ZFAND4: variants seen among roughly 807,000 people sequenced by gnomAD.
ZFAND4 encodes AN1-type zinc finger protein 4.
In ZFAND4, 43 loss-of-function variants were observed where a neutral mutation model predicts 64.4. The ratio of observed to expected loss-of-function variants is 0.67; its 90% CI spans 0.52 to 0.86. The LOEUF is 0.86. Among genes scored for constraint, ZFAND4 ranks in the 40% least tolerant of loss-of-function variants. The pLI, the probability that ZFAND4 is intolerant of heterozygous loss-of-function variation, is 0.00. For missense variants in ZFAND4, 929 were observed against 859.8 expected, an observed-to-expected ratio of 1.08 and a Z score of -1.01; for synonymous variants, 296 against 305.7, an observed-to-expected ratio of 0.97 and a Z score of 0.33.
intron 2 of ZFAND4, among the ~76,000 whole-genome samples, chr10:45,658,014 T>C (rs2048245743): frequency 6.6e-6 from 1 of 152,216 alleles, no homozygotes. Flanking sequence ...TGGTGGTGAC[T>C]GTATGATAGT....
intron 8 of ZFAND4, among the ~76,000 whole-genome samples, chr10:45,619,939 T>C (rs1564544210): frequency 6.6e-6 from 1 of 152,196 alleles, no homozygotes; most frequent in Non-Finnish European, 1.5e-5. Flanking sequence ...AATTCCATTA[T>C]TTAAAGTATT....
chr10:45,642,183 G>A (rs916793404), intron 5 of ZFAND4, among the ~76,000 whole-genome samples: 4 of 152,106 alleles, frequency 2.6e-5, no homozygotes, highest in African/African-American at 9.7e-5. Flanking sequence ...GTTACTCTGT[G>A]GCATTTTAAG....
intron 5 of ZFAND4, chr10:45,640,440 A>AG: frequency 8.1e-7 from 1 of 1,237,764 alleles, no homozygotes; most frequent in Non-Finnish European, 1.0e-6. Context: ...AAAAAAAAAA[A>AG]AAGAATTCAT....
chr10:45,635,195 C>CAAAAAAAAAAAAAAAAAAAAAAAA (rs1173808756), intron 6 of ZFAND4, among the ~76,000 whole-genome samples: 8 of 27,622 alleles, frequency 2.9e-4, no homozygotes, highest in Non-Finnish European at 3.7e-4. Context: ...GCCATCTAAG[C>CAAAAAAAAAAAAAAAAAAAAAAAA]AAAAAAAAAA....
At position 45,652,001 on chromosome 10, in the gene ZFAND4, A is replaced by T. The variant is rs1178432311; in HGVS notation, c.293T>A (p.Leu98Ter). ...ATTTATAGGTCCGCCACGCATAGCC[A>T]AAACTAGCTTCAAGGTACACCCTTC... ...ISEGCTLKLVLAMRGGPINTR... is the reference protein window; with the variant it reads ...ISEGCTLKLV Residue 98 changes from leucine (L) to a stop codon, truncating the protein, a stop_gained, in exon 4 of 10, where the codon TTG becomes TAG. Coordinates refer to ENST00000344646, the MANE Select transcript of ZFAND4 (RefSeq NM_174890.4). LOFTEE classifies it high-confidence loss of function. The T allele has an allele frequency of 6.2e-7, 1 of 1,613,894 alleles. No homozygotes were observed. Among genetic ancestry groups the T allele is most frequent in the South Asian group, 1.1e-5 (1 of 91,078 alleles).
At position 45,667,799 on chromosome 10, in the gene ZFAND4, C is replaced by A. The variant is rs929440283; in HGVS notation, c.-117-3957G>T. ...CCCTTTCTTGCCTAATTGCCCTGCT[C>A]TGGAACCTTCAGTACAAGATTGAAT... On this transcript the variant is annotated intron_variant, in intron 1 of 9. Coordinates refer to ENST00000344646, the MANE Select transcript of ZFAND4 (RefSeq NM_174890.4). Among the ~76,000 whole-genome samples, 4 of 152,140 alleles carry A rather than the reference C, an allele frequency of 2.6e-5. No homozygotes were observed. The East Asian group carries it at 7.7e-4, about 29-fold the overall frequency.
intron 6 of ZFAND4, among the ~76,000 whole-genome samples, chr10:45,633,529 A>G (rs2046360239): frequency 1.3e-5 from 2 of 152,006 alleles, no homozygotes; most frequent in Non-Finnish European, 2.9e-5. Flanking sequence ...TCCCACCTCT[A>G]AAAACAAGAA....
chr10:45,635,195 C>CAAAAAAAAAAAAAAAAAACAAAAAA (rs2046478075), intron 6 of ZFAND4, among the ~76,000 whole-genome samples: 4 of 27,612 alleles, frequency 1.4e-4, no homozygotes, highest in Non-Finnish European at 1.9e-4. Flanking sequence ...GCCATCTAAG[C>CAAAAAAAAAAAAAAAAAACAAAAAA]AAAAAAAAAA....
intron 4 of ZFAND4, 108 bp downstream of exon 4, chr10:45,651,858 A>G: frequency 1.0e-6 from 1 of 965,564 alleles, no homozygotes; most frequent in East Asian, 2.6e-5. Flanking sequence ...TGATTTTTCT[A>G]AGACCTAATA....
Position 45,616,142 on chromosome 10 carries a change from A to G in ZFAND4, c.*294T>C. On this transcript the variant is annotated 3_prime_UTR_variant, in exon 10 of 10. Coordinates refer to ENST00000344646, the MANE Select transcript of ZFAND4 (RefSeq NM_174890.4). ...TTCGTTTCCTAAAGTGCATCTTTTGAAGATTTGCCTAGTAAAACTGCAATA... is the reference window on the plus strand; with the variant it reads ...TTCGTTTCCTAAAGTGCATCTTTTGGAGATTTGCCTAGTAAAACTGCAATA... The G allele has an allele frequency of 6.6e-6, 2 of 302,282 alleles. No individual in the cohort carries two copies. Among genetic ancestry groups the G allele is most frequent in the Non-Finnish European group, 1.2e-5 (2 of 163,308 alleles). The allele number at this position is 302,282 out of a possible 1,614,324, so 18.7% of individuals were successfully genotyped here.
intron 1 of ZFAND4, among the ~76,000 whole-genome samples, chr10:45,671,621 G>A (rs900401914): frequency 2.6e-5 from 4 of 152,108 alleles, no homozygotes; most frequent in African/African-American, 9.7e-5. Context: ...TCATAGATGG[G>A]AACTCAACAA....
chr10:45,628,627 C>G (rs2045996400), intron 6 of ZFAND4, among the ~76,000 whole-genome samples: 1 of 151,890 alleles, frequency 6.6e-6, no homozygotes, highest in South Asian at 2.1e-4. Flanking sequence ...AATTCTTTAT[C>G]CAGCAAAAAA....
intron 2 of ZFAND4, among the ~76,000 whole-genome samples, chr10:45,659,721 G>A (rs2048345167): frequency 6.6e-6 from 1 of 151,930 alleles, no homozygotes. Context: ...GAAATCTAAT[G>A]GAAAAGTATA....
chr10:45,667,884 T>TACCTAA (rs1261262344), intron 1 of ZFAND4, among the ~76,000 whole-genome samples: 1 of 152,204 alleles, frequency 6.6e-6, no homozygotes, highest in African/African-American at 2.4e-5. Flanking sequence ...AACCATTGAG[T>TACCTAA]CTTTAGGTAT....
chr10:45,663,295 A>C (rs1383475783), intron 2 of ZFAND4, among the ~76,000 whole-genome samples: 1 of 152,198 alleles, frequency 6.6e-6, no homozygotes, highest in African/African-American at 2.4e-5. Context: ...CTATTCTAAA[A>C]TATTATTTCA....
chr10:45,652,622 C>T (rs1289296913), intron 3 of ZFAND4, among the ~76,000 whole-genome samples: 1 of 152,124 alleles, frequency 6.6e-6, no homozygotes. Context: ...AAGAACAATT[C>T]TCTCTTATCC....
At chr10:45,657,367 A>G (rs1010127815) in intron 2 of ZFAND4, among the ~76,000 whole-genome samples, 2 of 152,198 alleles carry the variant, frequency 1.3e-5, no homozygotes, top group African/African-American at 4.8e-5. Flanking sequence ...CCACAGTGAA[A>G]TATTTCCAGT....
chr10:45,622,214 C>T lies in ZFAND4; in HGVS notation c.1927+2369G>A, dbSNP rs541372083. 2.0e-5 allele frequency among the ~76,000 whole-genome samples: 3 copies of T among 152,302 alleles called. No individual in the cohort carries two copies. The South Asian group carries it at 6.2e-4, about 32-fold the overall frequency. ...AATCCTCGTATACATGATCAAATGACTTTCAACACGGGTGCCAAGACCATT... is the reference window on the plus strand; with the variant it reads ...AATCCTCGTATACATGATCAAATGATTTTCAACACGGGTGCCAAGACCATT... On this transcript the variant is annotated intron_variant, in intron 8 of 9. Coordinates refer to ENST00000344646, the MANE Select transcript of ZFAND4 (RefSeq NM_174890.4).
Position 45,621,530 on chromosome 10 carries a change from C to T in ZFAND4, c.1927+3053G>A, listed in dbSNP as rs979072861. ...GGCTGAGGTGGGCGGATCCCGACGTCAGGAGATCGAGACCATCCTGGCTAA... is the reference window on the plus strand; with the variant it reads ...GGCTGAGGTGGGCGGATCCCGACGTTAGGAGATCGAGACCATCCTGGCTAA... On this transcript the variant is annotated intron_variant, in intron 8 of 9. Coordinates refer to ENST00000344646, the MANE Select transcript of ZFAND4 (RefSeq NM_174890.4). 4.6e-5 allele frequency among the ~76,000 whole-genome samples: 7 copies of T among 151,796 alleles called. No homozygotes were observed. The East Asian group carries it at 1.4e-3, about 29-fold the overall frequency.
Sources: gnomAD v4.1 joint callset for allele counts (sites outside exome capture counted in the v4.1 genomes callset) on GRCh38, gnomAD v4.1.1 for gene constraint, MANE v1.5 for transcripts, NCBI Gene and HGNC (gene_info 2026-07-23, HGNC 2026-07-21) for gene names.